The following DIP2C variants were observed in gnomAD, a reference collection of about 807,000 sequenced individuals.
DIP2C encodes DIP2 acetate--CoA ligase C (putative), also known as disco-interacting protein 2 homolog C.
DIP2C carries 33 observed loss-of-function variants against 192.4 expected under a neutral mutation model. That is an observed-to-expected ratio of 0.17 (90% CI 0.13 to 0.23). The LOEUF (loss-of-function observed/expected upper bound fraction) is 0.23, where lower values mean the gene tolerates loss of function less well. Ranked by LOEUF, DIP2C falls within the 10% of genes least tolerant of loss-of-function variation. The pLI, the probability that DIP2C is intolerant of heterozygous loss-of-function variation, is 1.00. For synonymous variants in DIP2C, 979 were observed against 864.1 expected (o/e 1.13, Z -2.33); for missense variants, 1,537 against 2,110.1 (o/e 0.73, Z 5.32).
At chr10:470,517 C>A (rs990661909) in intron 3 of DIP2C, among the ~76,000 whole-genome samples, 1 of 152,150 alleles carries the variant, frequency 6.6e-6, no homozygotes, top group African/African-American at 2.4e-5. Context: ...CAAGAGATAA[C>A]CATCTCCTAC....
intron 1 of DIP2C, among the ~76,000 whole-genome samples, chr10:497,985 C>T (rs1321475307): frequency 6.6e-6 from 1 of 152,198 alleles, no homozygotes; most frequent in Non-Finnish European, 1.5e-5. Flanking sequence ...GATCCTCCCA[C>T]CTCAGCCTTC....
chr10:556,727 C>T (rs1051541300), intron 1 of DIP2C, among the ~76,000 whole-genome samples: 2 of 152,130 alleles, frequency 1.3e-5, no homozygotes, highest in Non-Finnish European at 2.9e-5. Context: ...CAGACTCACC[C>T]CCAACACCTA....
chr10:387,827 T>C lies in DIP2C; in HGVS notation c.1598-18A>G. The C allele has an allele frequency of 6.2e-7, 1 of 1,613,688 alleles. No homozygotes were observed. Among genetic ancestry groups the C allele is most frequent in the Non-Finnish European group, 8.5e-7 (1 of 1,179,888 alleles). On this transcript the variant is annotated intron_variant, in intron 13 of 36. Coordinates refer to ENST00000280886, the MANE Select transcript of DIP2C (RefSeq NM_014974.3). ...GGTTTCAGCTGCACAACAGAGGGAG[T>C]CAGGAGATTTTTACTTAGGACAGGG...
Position 480,445 on chromosome 10 carries a change from C to T in DIP2C, c.157+6014G>A, listed in dbSNP as rs1022102522. ...CACTGGATGAGTCTCACCCGCCAGCCTGAGCCCTGGTCCATGCTCACTGGA... is the reference window on the plus strand; with the variant it reads ...CACTGGATGAGTCTCACCCGCCAGCTTGAGCCCTGGTCCATGCTCACTGGA... On this transcript the variant is annotated intron_variant, in intron 2 of 36. Transcript: ENST00000280886. Among the ~76,000 whole-genome samples, 3 of 152,324 alleles carry T rather than the reference C, an allele frequency of 2.0e-5. No homozygotes were observed. In the East Asian group the frequency reaches 5.8e-4, roughly 29 times the overall value.
At position 504,668 on chromosome 10, in the gene DIP2C, C is replaced by T. The variant is rs74115024; in HGVS notation, c.86-18138G>A. On this transcript the variant is annotated intron_variant, in intron 1 of 36. Coordinates refer to ENST00000280886, the MANE Select transcript of DIP2C (RefSeq NM_014974.3). ...ACAAGTGACAAGATGAGACGCTTCC[C>T]GTGTTCCCATGTTCTGTCACTTTAA... Among the ~76,000 whole-genome samples, 943 of 152,354 alleles carry T rather than the reference C, an allele frequency of 6.2e-3. 11 individuals carry two copies. Among genetic ancestry groups the T allele is most frequent in the African/African-American group, 0.022 (896 of 41,584 alleles).
intron 36 of DIP2C, among the ~76,000 whole-genome samples, chr10:280,716 C>T (rs1015334094): frequency 6.6e-6 from 1 of 152,260 alleles, no homozygotes; most frequent in African/African-American, 2.4e-5. Context: ...GCGACGCACA[C>T]ACCTTGTCAC....
intron 7 of DIP2C, among the ~76,000 whole-genome samples, chr10:415,091 GGAGT>G (rs1375690961): frequency 1.4e-4 from 21 of 151,796 alleles, no homozygotes; most frequent in South Asian, 4.2e-4. Context: ...ACAGGAACAC[GGAGT>G]GAGTATTTTC....
At chr10:553,931 A>G (rs1848711594) in intron 1 of DIP2C, among the ~76,000 whole-genome samples, 1 of 152,168 alleles carries the variant, frequency 6.6e-6, no homozygotes. Context: ...AACAGTGGTG[A>G]ACAGGCAAGA....
At chr10:598,497 C>T (rs530536640) in intron 1 of DIP2C, among the ~76,000 whole-genome samples, 16 of 152,156 alleles carry the variant, frequency 1.1e-4, no homozygotes, top group African/African-American at 3.4e-4. Context: ...CGAGGCCTCG[C>T]GACAGGGGTA....
At chr10:420,356 C>T (rs1049533590) in intron 5 of DIP2C, among the ~76,000 whole-genome samples, 12 of 152,214 alleles carry the variant, frequency 7.9e-5, no homozygotes, top group African/African-American at 1.7e-4. Context: ...GGTGTCAGTC[C>T]GGTGTCACAA....
chr10:687,571 T>C (rs913217814), intron 1 of DIP2C, among the ~76,000 whole-genome samples: 3 of 152,234 alleles, frequency 2.0e-5, no homozygotes, highest in East Asian at 3.8e-4. Flanking sequence ...TTTCTCTGCC[T>C]GGTCTCTCAA....
intron 22 of DIP2C, among the ~76,000 whole-genome samples, chr10:358,899 G>A (rs1385901776): frequency 6.6e-5 from 10 of 151,604 alleles, no homozygotes; most frequent in Non-Finnish European, 1.2e-4. Flanking sequence ...CAAAAGAATT[G>A]CAGGTAAAAT....
intron 1 of DIP2C, among the ~76,000 whole-genome samples, chr10:555,526 T>C (rs1312683204): frequency 1.3e-5 from 2 of 152,116 alleles, no homozygotes; most frequent in African/African-American, 4.8e-5. Context: ...CTGACAGGAC[T>C]GGCCCACCCT....
intron 30 of DIP2C, 95 bp downstream of exon 30, chr10:329,338 G>A: frequency 7.6e-7 from 1 of 1,313,338 alleles, no homozygotes; most frequent in South Asian, 1.7e-5. Context: ...TTGTTTTGGA[G>A]GACTGTTTTA....
intron 29 of DIP2C, among the ~76,000 whole-genome samples, chr10:337,073 T>TGTGTGG (rs374638763): frequency 2.8e-5 from 2 of 71,498 alleles, no homozygotes; most frequent in African/African-American, 5.6e-5. Flanking sequence ...TGTGTGTGTG[T>TGTGTGG]TGTGGAGGCC....
chr10:614,296 C>A (rs944722260), intron 1 of DIP2C, among the ~76,000 whole-genome samples: 2 of 152,242 alleles, frequency 1.3e-5, no homozygotes, highest in African/African-American at 2.4e-5. Context: ...GGGTGCATTT[C>A]CCCTGGAGAC....
chr10:414,903 TATA>T (rs1265895842), intron 7 of DIP2C, among the ~76,000 whole-genome samples: 11,865 of 104,384 alleles, frequency 0.11, 929 homozygotes, highest in Middle Eastern at 0.18. Context: ...TATATATATA[TATA>T]TTTTTTTTTT....
chr10:674,805 G>T (rs1430622587), intron 1 of DIP2C, among the ~76,000 whole-genome samples: 184 of 127,726 alleles, frequency 1.4e-3, no homozygotes, highest in Middle Eastern at 3.9e-3. Flanking sequence ...GAGAGAGAGA[G>T]AGAGAGAGAG....
intron 5 of DIP2C, among the ~76,000 whole-genome samples, chr10:421,588 T>TA (rs746746135): frequency 5.9e-5 from 9 of 152,242 alleles, no homozygotes; most frequent in Non-Finnish European, 1.2e-4. Flanking sequence ...TACAGGTTAT[T>TA]AATTCACATA....
Sources: gnomAD v4.1 joint callset for allele counts (sites outside exome capture counted in the v4.1 genomes callset) on GRCh38, gnomAD v4.1.1 for gene constraint, MANE v1.5 for transcripts, NCBI Gene and HGNC (gene_info 2026-07-23, HGNC 2026-07-21) for gene names.